The following GPHN variants were observed in gnomAD, a reference collection of about 807,000 sequenced individuals.
GPHN encodes the protein gephyrin.
In GPHN, 17 loss-of-function variants were observed where a neutral mutation model predicts 95.5. The observed-to-expected ratio is 0.18, with a 90% CI of 0.12 to 0.27. GPHN has a LOEUF of 0.27. Among genes scored for constraint, GPHN ranks in the 10% least tolerant of loss-of-function variants. The pLI, the probability that GPHN is intolerant of heterozygous loss-of-function variation, is 1.00. For synonymous variants in GPHN, 320 were observed against 322.5 expected (o/e 0.99, Z 0.08); for missense variants, 660 against 978.1 (o/e 0.67, Z 4.34).
At chr14:67,601,278 T>C in the GPHN span, among the ~76,000 whole-genome samples, 1 of 152,144 alleles carries the variant, frequency 6.6e-6, no homozygotes, top group African/African-American at 2.4e-5. Context: ...CCCTCGAAGT[T>C]GGAACAAGCT....
At chr14:67,203,480 G>C in the GPHN span, among the ~76,000 whole-genome samples, 1 of 152,128 alleles carries the variant, frequency 6.6e-6, no homozygotes, top group Non-Finnish European at 1.5e-5. Flanking sequence ...GTATCCAACA[G>C]GCAGTTAATT....
chr14:67,362,927 G>T, the GPHN span, among the ~76,000 whole-genome samples: 3 of 151,966 alleles, frequency 2.0e-5, no homozygotes, highest in Admixed American at 2.0e-4. Context: ...AAAGAGACTT[G>T]TGCCTCCTGA....
chr14:67,471,559 A>G, the GPHN span: 5,474 of 152,302 alleles, frequency 0.036, 100 homozygotes, highest in Middle Eastern at 0.051. Context: ...AATTGGGGCC[A>G]CAATAAAATC....
the GPHN span, among the ~76,000 whole-genome samples, chr14:67,324,321 CTGAT>C: frequency 3.9e-5 from 6 of 152,088 alleles, no homozygotes; most frequent in African/African-American, 1.4e-4. Flanking sequence ...TAATAATTGA[CTGAT>C]AACATGTTAT....
chr14:67,660,901 G>A, the GPHN span, among the ~76,000 whole-genome samples: 1 of 152,176 alleles, frequency 6.6e-6, no homozygotes, highest in Non-Finnish European at 1.5e-5. Context: ...AGGTATCATG[G>A]ATATGCCCAG....
intron 1 of GPHN, among the ~76,000 whole-genome samples, chr14:66,546,804 AG>A (rs2059620343): frequency 1.2e-4 from 1 of 8,400 alleles, no homozygotes; most frequent in East Asian, 3.3e-3. Context: ...GGAGAGGGGG[AG>A]GGGGAGGGGG....
chr14:66,605,057 T>G (rs2062451932), intron 1 of GPHN, among the ~76,000 whole-genome samples: 2 of 152,190 alleles, frequency 1.3e-5, no homozygotes, highest in African/African-American at 2.4e-5. Flanking sequence ...CTGCGTAGTA[T>G]TCCATGGTGT....
intron 1 of GPHN, among the ~76,000 whole-genome samples, chr14:66,664,762 A>T (rs1020225461): frequency 7.2e-5 from 11 of 152,060 alleles, no homozygotes; most frequent in African/African-American, 2.7e-4. Flanking sequence ...TCAAATAAAC[A>T]CAATCAGAAA....
At chr14:67,325,088 G>A in the GPHN span, among the ~76,000 whole-genome samples, 1 of 151,640 alleles carries the variant, frequency 6.6e-6, no homozygotes, top group Non-Finnish European at 1.5e-5. Context: ...TGTATTTTTA[G>A]TAGAGACAGG....
intron 5 of GPHN, among the ~76,000 whole-genome samples, chr14:66,881,978 A>G (rs1299298450): frequency 6.6e-6 from 1 of 151,864 alleles, no homozygotes; most frequent in Admixed American, 6.6e-5. Flanking sequence ...AAAAGGGGAT[A>G]TTTCCCTGAA....
chr14:67,413,453 A>G, the GPHN span, among the ~76,000 whole-genome samples: 4 of 152,126 alleles, frequency 2.6e-5, no homozygotes, highest in Non-Finnish European at 5.9e-5. Flanking sequence ...TTCACCAGGC[A>G]TGGGAAAGGC....
At chr14:67,097,141 ATATATT>A (rs1433857389) in intron 12 of GPHN, among the ~76,000 whole-genome samples, 3 of 152,210 alleles carry the variant, frequency 2.0e-5, no homozygotes, top group African/African-American at 7.2e-5. Flanking sequence ...AATACTGTAA[ATATATT>A]TAGAAGCCAT....
At chr14:66,827,304 AG>A (rs1373438318) in intron 4 of GPHN, among the ~76,000 whole-genome samples, 6 of 150,872 alleles carry the variant, frequency 4.0e-5, no homozygotes, top group Admixed American at 3.3e-4. Context: ...AGGCGGGGTG[AG>A]GGGGGTGCAG....
chr14:67,103,074 T>C (rs754830336), intron 13 of GPHN, among the ~76,000 whole-genome samples: 4 of 152,260 alleles, frequency 2.6e-5, no homozygotes, highest in Admixed American at 2.0e-4. Flanking sequence ...TTGTTCTTGG[T>C]TTTGGGTTTC....
chr14:67,005,683 G>A (rs142702138), intron 9 of GPHN, among the ~76,000 whole-genome samples: 124 of 152,008 alleles, frequency 8.2e-4, no homozygotes, highest in Non-Finnish European at 1.3e-3. Context: ...CAATGCATTG[G>A]TTGATAAGTT....
At chr14:67,543,700 G>C in the GPHN span, among the ~76,000 whole-genome samples, 5 of 151,990 alleles carry the variant, frequency 3.3e-5, no homozygotes, top group Non-Finnish European at 7.4e-5. Flanking sequence ...AGGATAAGTA[G>C]GGATTGACTC....
the GPHN span, among the ~76,000 whole-genome samples, chr14:67,446,369 A>G: frequency 4.6e-5 from 7 of 152,202 alleles, no homozygotes; most frequent in Non-Finnish European, 8.8e-5. Flanking sequence ...TTGAATAACT[A>G]TGAGTGTTGA....
the GPHN span, among the ~76,000 whole-genome samples, chr14:67,423,325 A>T: frequency 6.6e-6 from 1 of 152,136 alleles, no homozygotes; most frequent in South Asian, 2.1e-4. Flanking sequence ...TAATTTTGTA[A>T]TTATTTTTTA....
At chr14:66,654,096 T>A (rs980739654) in intron 1 of GPHN, among the ~76,000 whole-genome samples, 3 of 152,182 alleles carry the variant, frequency 2.0e-5, no homozygotes, top group African/African-American at 7.2e-5. Flanking sequence ...GTCACTATTT[T>A]AAAAAATGTA....
Sources: allele counts gnomAD v4.1 joint callset (sites outside exome capture counted in the v4.1 genomes callset), GRCh38; gene constraint gnomAD v4.1.1; transcripts MANE v1.5; gene names NCBI Gene and HGNC (gene_info 2026-07-23, HGNC 2026-07-21).